The following C17orf114 variants were observed in gnomAD, a reference collection of about 807,000 sequenced individuals.
C17orf114 encodes chromosome 17 open reading frame 114.
At chr17:4,801,423 G>T in exon 2 of C17orf114, 1 of 398,872 alleles carries the variant, frequency 2.5e-6, no homozygotes, top group Non-Finnish European at 4.4e-6. Context: ...GCTATAGCTG[G>T]ACTGGGATCT....
chr17:4,806,817 G>A (rs2150665007), upstream of C17orf114: 1 of 150,366 alleles, frequency 6.7e-6, no homozygotes, highest in South Asian at 2.1e-4. Context: ...AGGGGCCCGG[G>A]GCGGGCGCCG....
At chr17:4,803,416 ATTTTTTTTTTT>A (rs34116712), upstream of C17orf114, among the ~76,000 whole-genome samples, 2 of 75,450 alleles carry the variant, frequency 2.7e-5, no homozygotes, top group African/African-American at 5.6e-5. Flanking sequence ...GTTTTTTTTA[ATTTTTTTTTTT>A]TTTTTTTTTT....
upstream of C17orf114, among the ~76,000 whole-genome samples, chr17:4,802,891 A>G (rs1905546268): frequency 6.6e-6 from 1 of 152,130 alleles, no homozygotes; most frequent in African/African-American, 2.4e-5. Flanking sequence ...AGACTTTTAC[A>G]TGTTGTCTCA....
upstream of C17orf114, among the ~76,000 whole-genome samples, chr17:4,806,081 C>T (rs1046448474): frequency 6.6e-6 from 1 of 152,212 alleles, no homozygotes; most frequent in African/African-American, 2.4e-5. Context: ...GCACATGAAA[C>T]ATGGTCAATA....
chr17:4,805,482 TGGG>T (rs1436089719), upstream of C17orf114, among the ~76,000 whole-genome samples: 2 of 150,902 alleles, frequency 1.3e-5, no homozygotes, highest in South Asian at 2.1e-4. Flanking sequence ...CCCAGCACTT[TGGG>T]AGGCTGAGGA....
At chr17:4,805,825 C>T (rs547812256), upstream of C17orf114, among the ~76,000 whole-genome samples, 2 of 151,154 alleles carry the variant, frequency 1.3e-5, no homozygotes, top group East Asian at 4.0e-4. Context: ...TGGTGGCGGA[C>T]GCCTGTAGTC....
chr17:4,803,825 G>T (rs376716600), upstream of C17orf114, among the ~76,000 whole-genome samples: 2 of 151,410 alleles, frequency 1.3e-5, no homozygotes, highest in Admixed American at 6.6e-5. Context: ...GGGCTCAAGC[G>T]AGTCTCCTGT....
upstream of C17orf114, among the ~76,000 whole-genome samples, chr17:4,802,620 G>C (rs1422935104): frequency 6.6e-6 from 1 of 152,218 alleles, no homozygotes; most frequent in Non-Finnish European, 1.5e-5. Context: ...TGCTGTGACA[G>C]ACAGATGCAG....
chr17:4,805,405 A>G (rs575609780), upstream of C17orf114, among the ~76,000 whole-genome samples: 2 of 149,474 alleles, frequency 1.3e-5, no homozygotes, highest in African/African-American at 5.0e-5. Flanking sequence ...CTGGGCAATA[A>G]CAGCGAAACT....
chr17:4,804,324 C>A (rs10852865), upstream of C17orf114, among the ~76,000 whole-genome samples: 25,945 of 151,638 alleles, frequency 0.17, 2,189 homozygotes, highest in African/African-American at 0.19. Flanking sequence ...CCTGCCTCAG[C>A]CTCCCAAGTA....
At chr17:4,803,732 T>A (rs1340650305), upstream of C17orf114, among the ~76,000 whole-genome samples, 6 of 149,658 alleles carry the variant, frequency 4.0e-5, no homozygotes, top group East Asian at 6.0e-4. Flanking sequence ...GGCCTTTTTT[T>A]AATTTTTGAG....
At chr17:4,801,614 T>C (rs1905509902) in intron 1 of C17orf114, among the ~76,000 whole-genome samples, 159 bp from the exon 2 acceptor site, 1 of 152,078 alleles carries the variant, frequency 6.6e-6, no homozygotes, top group Non-Finnish European at 1.5e-5. Flanking sequence ...AGAGGGGCTG[T>C]TGCAGAGCAA....
upstream of C17orf114, chr17:4,802,468 G>T (rs545116228): frequency 3.8e-5 from 15 of 395,326 alleles, no homozygotes; most frequent in Admixed American, 4.0e-4. Flanking sequence ...AAAGGGGAGA[G>T]GAGGGAGGAA....
In C17orf114 at chr17:4,801,971, T is replaced by C. The variant is rs528309231; in HGVS notation, c.73+276A>G. 1.7e-4 allele frequency among the ~76,000 whole-genome samples: 26 copies of C among 152,194 alleles called. No individual in the cohort carries two copies. The East Asian group carries it at 2.9e-3, about 17-fold the overall frequency. The stretch of plus-strand genomic sequence containing the variant: ...GTCTCCATCCCCTGACCTCGTGATC[T>C]ACCCACCTTGGCCTCCCAAAGTGCT... On this transcript the variant is annotated intron_variant, in intron 1 of 1. Coordinates refer to ENST00000635921, the Ensembl canonical transcript of C17orf114.
exon 2 of C17orf114, chr17:4,801,387 G>T: frequency 2.5e-6 from 1 of 398,874 alleles, no homozygotes; most frequent in Non-Finnish European, 4.4e-6. Context: ...CCTGGCGAGG[G>T]TACCCCTCCC....
At chr17:4,805,533 C>T (rs1283632546), upstream of C17orf114, among the ~76,000 whole-genome samples, 8 of 146,464 alleles carry the variant, frequency 5.5e-5, no homozygotes, top group East Asian at 4.0e-4. Context: ...GAGACCAGCC[C>T]GGCCAACATG....
chr17:4,802,803 A>C (rs1905544596), upstream of C17orf114, among the ~76,000 whole-genome samples: 1 of 152,218 alleles, frequency 6.6e-6, no homozygotes, highest in Admixed American at 6.5e-5. Context: ...GATTCTCATT[A>C]AATGGTCTGA....
At chr17:4,803,209 G>A (rs545118246), upstream of C17orf114, among the ~76,000 whole-genome samples, 194 of 151,782 alleles carry the variant, frequency 1.3e-3, no homozygotes, top group Non-Finnish European at 2.3e-3. Flanking sequence ...GTGAGCCACC[G>A]CACCCGGCCT....
At chr17:4,802,564 CAGGAGGTGGTTGGG>C (rs1010777265), upstream of C17orf114, among the ~76,000 whole-genome samples, 1 of 152,124 alleles carries the variant, frequency 6.6e-6, no homozygotes, top group Admixed American at 6.6e-5. Flanking sequence ...CATGGAGAAG[CAGGAGGTGGTTGGG>C]AGAGGTGGCA....
Sources: allele counts gnomAD v4.1 joint callset (sites outside exome capture counted in the v4.1 genomes callset), GRCh38; gene constraint gnomAD v4.1.1; transcripts MANE v1.5; gene names NCBI Gene and HGNC (gene_info 2026-07-23, HGNC 2026-07-21).